DMD: variants seen among roughly 807,000 people sequenced by gnomAD.
DMD encodes mutant dystrophin.
DMD carries 63 observed loss-of-function variants against 330.1 expected under a neutral mutation model. The ratio of observed to expected loss-of-function variants is 0.19; its 90% CI spans 0.16 to 0.24. DMD has a LOEUF of 0.24. Among genes scored for constraint, DMD ranks in the 10% least tolerant of loss-of-function variants. The pLI is 1.00. For missense variants in DMD, 3,344 were observed against 2,684.1 expected, an observed-to-expected ratio of 1.25 and a Z score of -5.43; for synonymous variants, 1,223 against 959.8, an observed-to-expected ratio of 1.27 and a Z score of -5.07.
intron 1 of DMD, among the ~76,000 whole-genome samples, chrX:33,084,813 G>C (rs2094981046): frequency 8.9e-6 from 1 of 111,970 alleles, no homozygotes. Flanking sequence ...CTGTTATGAT[G>C]TTTGTTTAAA....
intron 44 of DMD, among the ~76,000 whole-genome samples, chrX:32,079,075 C>A (rs2096373531): frequency 8.9e-6 from 1 of 111,956 alleles, no homozygotes; most frequent in African/African-American, 3.2e-5. Context: ...CTAACCACCC[C>A]TTTGAGTTAC....
chrX:32,571,411 T>C (rs1450662738), intron 15 of DMD, among the ~76,000 whole-genome samples: 1 of 111,918 alleles, frequency 8.9e-6, no homozygotes, highest in African/African-American at 3.2e-5. Context: ...TTGAAATCTT[T>C]ATTCTCCTCA....
At chrX:33,153,991 G>A (rs1254134625) in intron 1 of DMD, among the ~76,000 whole-genome samples, 1 of 112,272 alleles carries the variant, frequency 8.9e-6, no homozygotes, top group Admixed American at 9.5e-5. Flanking sequence ...CAAGAATCTT[G>A]CTAAAAATAT....
intron 54 of DMD, among the ~76,000 whole-genome samples, chrX:31,634,206 C>T (rs961758349): frequency 3.6e-5 from 4 of 112,266 alleles, no homozygotes; most frequent in Non-Finnish European, 7.5e-5. Flanking sequence ...GATCTGGCTG[C>T]TCTTTGCTTT....
At chrX:33,202,970 C>T (rs1036063180) in intron 1 of DMD, among the ~76,000 whole-genome samples, 3 of 111,439 alleles carry the variant, frequency 2.7e-5, no homozygotes, top group Non-Finnish European at 5.7e-5. Flanking sequence ...TTACTTCCTC[C>T]AAAGCTAACT....
intron 43 of DMD, among the ~76,000 whole-genome samples, chrX:32,246,335 C>G (rs779268004): frequency 2.9e-4 from 29 of 101,611 alleles, no homozygotes; most frequent in Non-Finnish European, 5.4e-4. Flanking sequence ...GGTGGATAAG[C>G]TTTTTGATGT....
At chrX:32,619,031 T>C (rs1399634276) in intron 11 of DMD, among the ~76,000 whole-genome samples, 2 of 111,506 alleles carry the variant, frequency 1.8e-5, no homozygotes, top group African/African-American at 6.5e-5. Flanking sequence ...TGCAGCACTA[T>C]TCATGGCCAA....
intron 27 of DMD, among the ~76,000 whole-genome samples, 189 bp from the exon 28 acceptor site, chrX:32,441,503 A>G (rs934172326): frequency 7.1e-5 from 8 of 111,932 alleles, no homozygotes; most frequent in Non-Finnish European, 1.5e-4. Context: ...AAAGTCATTA[A>G]GAAAACATTT....
chrX:32,137,058 T>C (rs1211277597), intron 44 of DMD, among the ~76,000 whole-genome samples: 4 of 112,567 alleles, frequency 3.6e-5, no homozygotes, highest in African/African-American at 1.3e-4. Flanking sequence ...ACAGCGTGCA[T>C]TATCAGCACA....
At chrX:31,971,014 CG>C (rs2095394685) in intron 44 of DMD, among the ~76,000 whole-genome samples, 1 of 111,535 alleles carries the variant, frequency 9.0e-6, no homozygotes, top group African/African-American at 3.3e-5. Context: ...TATACCATAG[CG>C]GTGCTTCCTA....
intron 2 of DMD, among the ~76,000 whole-genome samples, chrX:32,963,589 T>A (rs1056928779): frequency 4.4e-5 from 5 of 112,635 alleles, no homozygotes; most frequent in Non-Finnish European, 9.4e-5. Context: ...ATTGATTGTA[T>A]TAATCCAAAT....
chrX:32,384,617 T>G (rs2097946032), intron 33 of DMD, among the ~76,000 whole-genome samples: 1 of 110,990 alleles, frequency 9.0e-6, no homozygotes, highest in Non-Finnish European at 1.9e-5. Flanking sequence ...AACTTAATTA[T>G]AAAATTTACT....
intron 43 of DMD, among the ~76,000 whole-genome samples, chrX:32,221,748 A>C (rs2097132858): frequency 9.0e-6 from 1 of 110,623 alleles, no homozygotes; most frequent in Non-Finnish European, 1.9e-5. Context: ...CCATTCTACC[A>C]CTCTGTCTGC....
intron 44 of DMD, among the ~76,000 whole-genome samples, chrX:32,076,341 C>T (rs1310988557): frequency 1.9e-5 from 2 of 107,748 alleles, no homozygotes; most frequent in Non-Finnish European, 3.8e-5. Flanking sequence ...ATGTTGTGCT[C>T]TGGCCATAAA....
chrX:31,924,362 C>T (rs1034149006), intron 47 of DMD, among the ~76,000 whole-genome samples: 5 of 111,987 alleles, frequency 4.5e-5, no homozygotes, highest in African/African-American at 1.6e-4. Flanking sequence ...TAATGACTGT[C>T]ATTACATAGC....
intron 44 of DMD, among the ~76,000 whole-genome samples, chrX:32,005,803 G>A (rs2095657696): frequency 9.0e-6 from 1 of 111,406 alleles, no homozygotes; most frequent in Non-Finnish European, 1.9e-5. Context: ...CAAACTTGAT[G>A]ACTTATTTCT....
chrX:32,767,361 GA>G (rs201806554), intron 7 of DMD, among the ~76,000 whole-genome samples: 2 of 109,334 alleles, frequency 1.8e-5, no homozygotes, highest in African/African-American at 6.6e-5. Flanking sequence ...AATTATTCAG[GA>G]AAAAAAACCC....
chrX:32,590,983 A>T (rs2054844583), intron 13 of DMD, among the ~76,000 whole-genome samples: 1 of 111,602 alleles, frequency 9.0e-6, no homozygotes, highest in Admixed American at 9.5e-5. Context: ...AGAGAACCTT[A>T]ATACACTCTG....
At chrX:32,626,326 G>A (rs778570069) in intron 11 of DMD, among the ~76,000 whole-genome samples, 1 of 95,484 alleles carries the variant, frequency 1.0e-5, no homozygotes, top group Non-Finnish European at 1.9e-5. Flanking sequence ...AATTAGCTGG[G>A]CGTGGTGGCA....
Sources: gnomAD v4.1 joint callset for allele counts (sites outside exome capture counted in the v4.1 genomes callset) on GRCh38, gnomAD v4.1.1 for gene constraint, MANE v1.5 for transcripts, NCBI Gene and HGNC (gene_info 2026-07-23, HGNC 2026-07-21) for gene names.